RBFOX1: variants seen among roughly 807,000 people sequenced by gnomAD.
The protein encoded by RBFOX1 is RNA binding fox-1 homolog 1.
Under a neutral mutation model 57.7 loss-of-function variants are expected in RBFOX1, and 8 were observed. The ratio of observed to expected loss-of-function variants is 0.14; its 90% CI spans 0.08 to 0.25. The LOEUF (loss-of-function observed/expected upper bound fraction) is 0.25, where lower values mean the gene tolerates loss of function less well. Ranked by LOEUF, RBFOX1 falls within the 10% of genes least tolerant of loss-of-function variation. RBFOX1 has a pLI of 1.00. For missense variants in RBFOX1, 611 were observed against 548.5 expected, an observed-to-expected ratio of 1.11 and a Z score of -1.14; for synonymous variants, 326 against 222.4, an observed-to-expected ratio of 1.47 and a Z score of -4.15.
chr16:6,972,918 G>C (rs1290279007), intron 3 of RBFOX1, among the ~76,000 whole-genome samples: 1 of 152,146 alleles, frequency 6.6e-6, no homozygotes, highest in Non-Finnish European at 1.5e-5. Flanking sequence ...GAGGTCAGGA[G>C]TTCGAGGCCA....
At chr16:5,597,423 G>C (rs5015132) in intron 2 of RBFOX1, among the ~76,000 whole-genome samples, 3 of 137,420 alleles carry the variant, frequency 2.2e-5, no homozygotes, top group Admixed American at 7.4e-5. Flanking sequence ...TTTGAGTTGG[G>C]GTTTTGATCT....
intron 4 of RBFOX1, among the ~76,000 whole-genome samples, chr16:7,259,383 C>G (rs543056310): frequency 6.6e-6 from 1 of 152,172 alleles, no homozygotes; most frequent in African/African-American, 2.4e-5. Context: ...GCACACATCA[C>G]ATATAAGATA....
chr16:5,700,853 A>G (rs2051021918), intron 3 of RBFOX1, among the ~76,000 whole-genome samples: 1 of 152,194 alleles, frequency 6.6e-6, no homozygotes, highest in Non-Finnish European at 1.5e-5. Flanking sequence ...AACCAGTCAT[A>G]GGCTGGCCAG....
At chr16:7,111,996 G>T (rs762657941) in intron 4 of RBFOX1, among the ~76,000 whole-genome samples, 6 of 152,070 alleles carry the variant, frequency 3.9e-5, no homozygotes, top group Non-Finnish European at 8.8e-5. Flanking sequence ...GATACAGTTT[G>T]GCCTATACAG....
intron 3 of RBFOX1, among the ~76,000 whole-genome samples, chr16:6,961,813 A>G (rs2083080596): frequency 6.6e-6 from 1 of 152,146 alleles, no homozygotes; most frequent in Admixed American, 6.5e-5. Context: ...GTTATAATTA[A>G]TGTATAATGA....
chr16:5,857,903 C>T (rs542091443), intron 3 of RBFOX1, among the ~76,000 whole-genome samples: 16 of 152,182 alleles, frequency 1.1e-4, no homozygotes, highest in Non-Finnish European at 1.3e-4. Flanking sequence ...GCTGTGTTTG[C>T]ACTGCCGTAC....
At chr16:6,572,885 T>TA (rs1241137853) in intron 2 of RBFOX1, among the ~76,000 whole-genome samples, 10 of 152,162 alleles carry the variant, frequency 6.6e-5, no homozygotes, top group Non-Finnish European at 1.5e-4. Flanking sequence ...TGATCCCGCA[T>TA]GCCCAGCCAT....
rs980088989 is a variant in RBFOX1, at chr16:5,553,329, T to C, written c.259-45573T>C. ...CCATATGTCTGAATATTTTTTTTTT[T>C]TTTTGAGATGGAGTCTCACTCTTTT... On this transcript the variant is annotated intron_variant, in intron 2 of 2. Coordinates refer to the RBFOX1 transcript ENST00000585867. Among the ~76,000 whole-genome samples, 96 of 152,142 alleles carry C rather than the reference T, an allele frequency of 6.3e-4. 3 individuals carry two copies. The Middle Eastern group carries it at 0.017, about 27-fold the overall frequency.
At chr16:7,078,032 G>C (rs1220303026) in intron 4 of RBFOX1, among the ~76,000 whole-genome samples, 2 of 152,154 alleles carry the variant, frequency 1.3e-5, no homozygotes, top group African/African-American at 2.4e-5. Flanking sequence ...TCACTGCTAA[G>C]ACAGACAAAC....
intron 3 of RBFOX1, among the ~76,000 whole-genome samples, chr16:5,790,875 T>A (rs1206593071): frequency 1.6e-5 from 1 of 64,276 alleles, no homozygotes; most frequent in Admixed American, 1.9e-4. Context: ...TTTTTTTTTG[T>A]TTTTTTTTTT....
At chr16:7,183,679 A>T (rs2083174300) in intron 4 of RBFOX1, among the ~76,000 whole-genome samples, 1 of 152,168 alleles carries the variant, frequency 6.6e-6, no homozygotes, top group African/African-American at 2.4e-5. Context: ...TGATATCTTC[A>T]GGCAGAAATT....
At chr16:6,735,751 T>C (rs1485044140) in intron 3 of RBFOX1, among the ~76,000 whole-genome samples, 1 of 152,178 alleles carries the variant, frequency 6.6e-6, no homozygotes, top group Non-Finnish European at 1.5e-5. Context: ...TCTACCATGA[T>C]AGTTCCCAAG....
chr16:7,140,163 T>TCC, intron 4 of RBFOX1, among the ~76,000 whole-genome samples: 1 of 136,432 alleles, frequency 7.3e-6, no homozygotes, highest in African/African-American at 2.8e-5. Flanking sequence ...TCTCCCTCTC[T>TCC]CTCTCTCTCT....
chr16:6,041,597 G>T (rs1480969332), intron 1 of RBFOX1, among the ~76,000 whole-genome samples: 2 of 152,146 alleles, frequency 1.3e-5, no homozygotes, highest in Non-Finnish European at 2.9e-5. Context: ...TACCTCATAA[G>T]TGGCAGAGCC....
chr16:5,358,738 A>G (rs534461159), intron 1 of RBFOX1, among the ~76,000 whole-genome samples: 2 of 152,306 alleles, frequency 1.3e-5, no homozygotes, highest in African/African-American at 4.8e-5. Flanking sequence ...GAGGCAGGAG[A>G]ATCGCTTGAA....
chr16:7,074,935 A>G (rs1247709166), intron 4 of RBFOX1, among the ~76,000 whole-genome samples: 1 of 152,164 alleles, frequency 6.6e-6, no homozygotes, highest in Non-Finnish European at 1.5e-5. Context: ...TGGGATTGGA[A>G]ATGGTGAGGT....
chr16:5,644,098 C>T (rs1393585587), intron 3 of RBFOX1, among the ~76,000 whole-genome samples: 3 of 152,136 alleles, frequency 2.0e-5, no homozygotes, highest in Non-Finnish European at 4.4e-5. Context: ...AGAATGAGCC[C>T]ATTAACCAAA....
At chr16:6,829,648 C>T (rs143992761) in intron 3 of RBFOX1, among the ~76,000 whole-genome samples, 113 of 152,180 alleles carry the variant, frequency 7.4e-4, no homozygotes, top group African/African-American at 2.5e-3. Context: ...GTCACCCATA[C>T]GGCAGTGCAG....
At chr16:7,059,030 G>C (rs1203558211) in intron 4 of RBFOX1, among the ~76,000 whole-genome samples, 1 of 152,188 alleles carries the variant, frequency 6.6e-6, no homozygotes, top group South Asian at 2.1e-4. Context: ...CCAGTTACAA[G>C]CGAGTTTCTC....
Sources: gnomAD v4.1 joint callset for allele counts (sites outside exome capture counted in the v4.1 genomes callset) on GRCh38, gnomAD v4.1.1 for gene constraint, MANE v1.5 for transcripts, NCBI Gene and HGNC (gene_info 2026-07-23, HGNC 2026-07-21) for gene names.